Variants in UNC13B observed in about 807,000 individuals in gnomAD.
The protein encoded by UNC13B is protein unc-13 homolog B.
UNC13B carries 144 observed loss-of-function variants against 211.0 expected under a neutral mutation model. The ratio of observed to expected loss-of-function variants is 0.68; its 90% confidence interval spans 0.60 to 0.78. The LOEUF is 0.78. UNC13B is among the 30% of genes least tolerant of loss of function. UNC13B has a pLI of 0.00. For missense variants in UNC13B, 1,777 were observed against 2,002.0 expected (o/e 0.89, Z 2.14); for synonymous variants, 709 against 725.8 (o/e 0.98, Z 0.37).
At chr9:35,248,601 A>G (rs1206009040) in intron 6 of UNC13B, among the ~76,000 whole-genome samples, 1 of 151,982 alleles carries the variant, frequency 6.6e-6, no homozygotes, top group Non-Finnish European at 1.5e-5. Context: ...TTCTGCCTTC[A>G]TTTCATTATG....
rs776919139 is a variant in UNC13B, at chr9:35,369,848, T to C, written c.9462-470T>C. On this transcript the variant is annotated intron_variant, in intron 12 of 39. Transcript: ENST00000635942. ...CTTGGATGGAGACGGTCTCCTTCTA[T>C]GTGCCATTGTCTGGTATAGTCTTAC... Among the ~76,000 whole-genome samples the C allele has an allele frequency of 3.9e-5, 6 of 152,310 alleles. No individual in the cohort carries two copies. In the East Asian group the frequency reaches 5.8e-4, roughly 15 times the overall value.
chr9:35,389,709 G>GGTGTGGATA, intron 24 of UNC13B, 137 bp from the exon 25 acceptor site: 1 of 855,178 alleles, frequency 1.2e-6, no homozygotes, highest in Non-Finnish European at 1.8e-6. Flanking sequence ...GTGGAAGACA[G>GGTGTGGATA]GCTCTAGGAG....
At chr9:35,369,918 A>G (rs1834009351) in intron 12 of UNC13B, among the ~76,000 whole-genome samples, 1 of 152,200 alleles carries the variant, frequency 6.6e-6, no homozygotes, top group Non-Finnish European at 1.5e-5. Flanking sequence ...GTTCTGTTCT[A>G]GCACAGCCTT....
chr9:35,364,077 C>A (rs1176322384), intron 11 of UNC13B, among the ~76,000 whole-genome samples: 1 of 152,182 alleles, frequency 6.6e-6, no homozygotes, highest in African/African-American at 2.4e-5. Context: ...GGAAAAGGCT[C>A]AGTCACCAGG....
In UNC13B at chr9:35,326,319, C is replaced by A. The variant is rs564668396; in HGVS notation, c.9414+12330C>A. Among the ~76,000 whole-genome samples the A allele has an allele frequency of 1.6e-4, 25 of 152,228 alleles. No individual in the cohort carries two copies. The East Asian group carries it at 4.6e-3, about 28-fold the overall frequency. On this transcript the variant is annotated intron_variant, in intron 11 of 39. Transcript: ENST00000635942. Reference sequence around the variant, plus strand: ...AACATAGGGGATACATTCCCAGACCCCAAATGGGTACCTGAAACCATGGAT... The same window carrying A: ...AACATAGGGGATACATTCCCAGACCACAAATGGGTACCTGAAACCATGGAT...
At chr9:35,206,394 T>G (rs1407972650) in intron 1 of UNC13B, among the ~76,000 whole-genome samples, 1 of 152,018 alleles carries the variant, frequency 6.6e-6, no homozygotes, top group Non-Finnish European at 1.5e-5. Flanking sequence ...TTTCCCTCTA[T>G]CCCCTGGTAA....
Position 35,205,370 on chromosome 9 carries a change from A to T in UNC13B, c.23-22645A>T, listed in dbSNP as rs373629529. Among the ~76,000 whole-genome samples, 185 of 152,338 alleles carry T rather than the reference A, an allele frequency of 1.2e-3. 10 individuals are homozygous for T. In the South Asian group the frequency reaches 0.037, roughly 31 times the overall value. ...CCTTTTGGTTTACTTTAAAAAAAAT[A>T]GCTTTATTGAGGTGTAGTTTGCATA... On this transcript the variant is annotated intron_variant, in intron 1 of 39. Transcript: ENST00000635942.
Position 35,396,614 on chromosome 9 carries a change from T to C in UNC13B, c.11435+12T>C, listed in dbSNP as rs1245680075. ...CCTGAGTACCCAGCGTGAGTCATCA[T>C]GTGGGCACTACAGAGGGAAGGGAGC... On this transcript the variant is annotated intron_variant, in intron 27 of 39. Coordinates refer to ENST00000635942, the MANE Select transcript of UNC13B (RefSeq NM_001371189.2). 3 of 1,613,696 alleles carry C rather than the reference T, an allele frequency of 1.9e-6. No homozygotes were observed. Among genetic ancestry groups the C allele is most frequent in the Non-Finnish European group, 1.7e-6 (2 of 1,179,956 alleles).
intron 1 of UNC13B, among the ~76,000 whole-genome samples, chr9:35,226,187 G>A (rs1363592066): frequency 6.6e-6 from 1 of 152,140 alleles, no homozygotes; most frequent in Non-Finnish European, 1.5e-5. Flanking sequence ...ACTGAGTCTA[G>A]AAACTAAGGT....
chr9:35,166,934 G>C (rs530740083), intron 1 of UNC13B, among the ~76,000 whole-genome samples: 1 of 152,236 alleles, frequency 6.6e-6, no homozygotes, highest in Admixed American at 6.5e-5. Flanking sequence ...GGTCATCTGA[G>C]TCTAAACCAA....
Position 35,404,053 on chromosome 9 carries a change from C to A in UNC13B, c.*20C>A. 2 of 1,602,952 alleles carry A rather than the reference C, an allele frequency of 1.2e-6. No individual in the cohort carries two copies. The highest frequency in any genetic ancestry group is 1.7e-6 in the Non-Finnish European group (2 of 1,174,038). On this transcript the variant is annotated 3_prime_UTR_variant, in exon 40 of 40. Transcript: ENST00000635942. ...AGCTGAACACCTTCGACTCCTGTGC[C>A]AATCAGGCAGCAGCAATTTCACAAA...
intron 6 of UNC13B, among the ~76,000 whole-genome samples, chr9:35,258,501 A>G (rs964489465): frequency 6.6e-6 from 1 of 152,144 alleles, no homozygotes; most frequent in African/African-American, 2.4e-5. Context: ...AATACCAGAT[A>G]TTGCACCACA....
intron 7 of UNC13B, among the ~76,000 whole-genome samples, chr9:35,282,908 A>G (rs1381635828): frequency 1.3e-5 from 2 of 152,178 alleles, no homozygotes; most frequent in Non-Finnish European, 2.9e-5. Flanking sequence ...TTAGCTTAAC[A>G]CACTCTTCTG....
At position 35,257,154 on chromosome 9, in the gene UNC13B, G is replaced by A. The variant is rs897137004; in HGVS notation, c.469-1839G>A. 2.6e-5 allele frequency among the ~76,000 whole-genome samples: 4 copies of A among 151,368 alleles called. No individual in the cohort carries two copies. In the South Asian group the frequency reaches 8.3e-4, roughly 31 times the overall value. The stretch of plus-strand genomic sequence containing the variant: ...TTTTGTTACTTTGGAGTGGATCTTT[G>A]ACCTTCAAGATGTTTTGAACCTGGC... On this transcript the variant is annotated intron_variant, in intron 6 of 39. Coordinates refer to ENST00000635942, the MANE Select transcript of UNC13B (RefSeq NM_001371189.2).
intron 11 of UNC13B, among the ~76,000 whole-genome samples, chr9:35,342,507 C>G (rs975160629): frequency 3.9e-5 from 6 of 152,128 alleles, no homozygotes; most frequent in African/African-American, 1.4e-4. Flanking sequence ...ATATGCCGCA[C>G]TGGGGTAGAA....
chr9:35,189,741 C>T (rs922252996), intron 1 of UNC13B, among the ~76,000 whole-genome samples: 2 of 152,326 alleles, frequency 1.3e-5, no homozygotes, highest in African/African-American at 4.8e-5. Context: ...GTGATCCCGG[C>T]TCACCGCAAC....
intron 17 of UNC13B, 128 bp downstream of exon 17, chr9:35,378,564 C>A (rs1587730941): frequency 8.1e-7 from 1 of 1,234,972 alleles, no homozygotes; most frequent in Non-Finnish European, 1.1e-6. Flanking sequence ...TTCTCGCATG[C>A]TTCGTTCAGA....
In UNC13B at chr9:35,303,750, C is replaced by G. The variant is rs936798829; in HGVS notation, c.4346C>G (p.Ala1449Gly). 11 of 398,604 alleles carry G rather than the reference C, an allele frequency of 2.8e-5. No homozygotes were observed. Among genetic ancestry groups the G allele is most frequent in the Non-Finnish European group, 4.9e-5 (11 of 225,826 alleles). The allele number at this position is 398,604 out of a possible 1,614,324, so 24.7% of individuals were successfully genotyped here. ...DYLLRGDVWA[A>G]NSLYGNSGPL... is the part of the protein sequence containing the mutation. ...TTATTAAGAGGTGATGTGTGGGCAG[C>G]TAACTCATTATATGGAAACTCTGGT... Residue 1449 changes from alanine (A) to glycine (G), a missense_variant, in exon 9 of 40, where the codon GCT (alanine) becomes GGT (glycine). Transcript: ENST00000635942.
chr9:35,252,587 G>A (rs1324472035), intron 6 of UNC13B, among the ~76,000 whole-genome samples: 2 of 151,740 alleles, frequency 1.3e-5, no homozygotes, highest in South Asian at 2.1e-4. Context: ...GATTTCAGGC[G>A]GAAGCCACTG....
Sources: allele counts gnomAD v4.1 joint callset (sites outside exome capture counted in the v4.1 genomes callset), GRCh38; gene constraint gnomAD v4.1.1; transcripts MANE v1.5; gene names NCBI Gene and HGNC (gene_info 2026-07-23, HGNC 2026-07-21).